The following FBXW7 variants were observed in gnomAD, a reference collection of about 807,000 sequenced individuals.
FBXW7 encodes F-box and WD repeat domain containing 7.
Under a neutral mutation model 86.3 loss-of-function variants are expected in FBXW7, and 11 were observed. The ratio of observed to expected loss-of-function variants is 0.13; its 90% CI spans 0.08 to 0.21. The LOEUF (loss-of-function observed/expected upper bound fraction) is 0.21. FBXW7 is among the 10% of genes least tolerant of loss of function. The probability of loss-of-function intolerance (pLI) is 1.00; values close to 1 mark genes in which losing one functional copy is unlikely to be tolerated. For missense variants in FBXW7, 488 were observed against 847.4 expected (o/e 0.58, Z 5.27); for synonymous variants, 313 against 297.9 (o/e 1.05, Z -0.52).
At chr4:152,470,839 T>C (rs80020717) in intron 2 of FBXW7, among the ~76,000 whole-genome samples, 2,448 of 152,226 alleles carry the variant, frequency 0.016, 75 homozygotes, top group African/African-American at 0.056. Context: ...TGCTTAAACA[T>C]TGTAGCTGCA....
chr4:152,481,348 A>T (rs1744858011), intron 2 of FBXW7, among the ~76,000 whole-genome samples: 1 of 152,184 alleles, frequency 6.6e-6, no homozygotes, highest in African/African-American at 2.4e-5. Flanking sequence ...AATACTACTC[A>T]TTGCTCACTG....
chr4:152,430,199 T>A (rs566365217), intron 2 of FBXW7, among the ~76,000 whole-genome samples: 139 of 152,302 alleles, frequency 9.1e-4, no homozygotes, highest in African/African-American at 3.1e-3. Context: ...AGTGGTAAAA[T>A]CCTGAAGCAG....
At chr4:152,370,023 C>T (rs1235456626) in intron 4 of FBXW7, among the ~76,000 whole-genome samples, 1 of 151,922 alleles carries the variant, frequency 6.6e-6, no homozygotes, top group African/African-American at 2.4e-5. Context: ...AACAGTAACA[C>T]AGATTTTTAA....
chr4:152,358,173 T>A (rs145252022), intron 4 of FBXW7, among the ~76,000 whole-genome samples: 1 of 152,232 alleles, frequency 6.6e-6, no homozygotes, highest in East Asian at 1.9e-4. Context: ...GTAAGACAGA[T>A]ATCATGGAAA....
chr4:152,406,707 GA>G (rs1263902866), intron 4 of FBXW7, among the ~76,000 whole-genome samples: 2 of 152,076 alleles, frequency 1.3e-5, no homozygotes, highest in Admixed American at 6.6e-5. Context: ...ATCAACTAGG[GA>G]GATCTGTGGG....
Position 152,321,115 on chromosome 4 carries a change from G to T in FBXW7, c.*1766C>A. On this transcript the variant is annotated 3_prime_UTR_variant, in exon 14 of 14. Transcript: ENST00000281708. ...GCAGCACATTATCCTTACTTTCGCG[G>T]TATAAAACAGGCTTGAAGTATTGAT... 5.2e-6 allele frequency: 1 copy of T among 193,316 alleles called. No individual in the cohort carries two copies. Among genetic ancestry groups the T allele is most frequent in the Non-Finnish European group, 1.1e-5 (1 of 92,590 alleles). The allele number at this position is 193,316 out of a possible 1,614,324, so 12.0% of individuals were successfully genotyped here.
intron 2 of FBXW7, chr4:152,530,865 T>C (rs539545814): frequency 9.6e-4 from 146 of 152,346 alleles, no homozygotes; most frequent in African/African-American, 3.3e-3. Context: ...AAGAACAGAA[T>C]TGAAAGTTGT....
chr4:152,413,525 C>T (rs1738160583), intron 2 of FBXW7, among the ~76,000 whole-genome samples: 1 of 152,066 alleles, frequency 6.6e-6, no homozygotes, highest in Non-Finnish European at 1.5e-5. Context: ...TTACTAGTTT[C>T]AAGTAAAGCA....
chr4:152,331,001 A>T (rs1402698423), intron 8 of FBXW7, 133 bp from the exon 9 acceptor site: 1 of 793,896 alleles, frequency 1.3e-6, no homozygotes. Flanking sequence ...ACATTGTCAA[A>T]TTTCCAATAC....
intron 2 of FBXW7, among the ~76,000 whole-genome samples, chr4:152,505,395 C>G (rs1747324013): frequency 6.6e-6 from 1 of 152,110 alleles, no homozygotes; most frequent in Admixed American, 6.5e-5. Flanking sequence ...AACGTTTTTA[C>G]TTTATGAACG....
At chr4:152,334,705 T>G (rs548872132) in intron 7 of FBXW7, among the ~76,000 whole-genome samples, 14 of 152,296 alleles carry the variant, frequency 9.2e-5, no homozygotes, top group Admixed American at 8.5e-4. Flanking sequence ...TGAGATCATC[T>G]AGTCCAGTGC....
At chr4:152,424,418 TAGAGACACTAAACCAA>T (rs1739197166) in intron 2 of FBXW7, among the ~76,000 whole-genome samples, 1 of 152,226 alleles carries the variant, frequency 6.6e-6, no homozygotes. Flanking sequence ...GAAATATAGC[TAGAGACACTAAACCAA>T]ACATCCAAAA....
intron 4 of FBXW7, among the ~76,000 whole-genome samples, chr4:152,409,603 A>G (rs542821771): frequency 1.3e-5 from 2 of 152,298 alleles, no homozygotes; most frequent in East Asian, 1.9e-4. Context: ...GTAGAAGGGT[A>G]TCACTGTCCT....
At chr4:152,411,120 AT>A in intron 4 of FBXW7, 182 bp downstream of exon 4, 1 of 1,015,204 alleles carries the variant, frequency 9.9e-7, no homozygotes, top group Non-Finnish European at 1.3e-6. Flanking sequence ...AGATTGTCCC[AT>A]TATCAGTATT....
rs1579128670 is a variant in FBXW7 at position 152,411,978 on chromosome 4, G to C, written c.-69-106C>G. On this transcript the variant is annotated intron_variant, in intron 3 of 13. Transcript: ENST00000281708. Reference sequence around the variant, plus strand: ...AAATATCATTAATGATTGCAAAAAAGTATTGATGCCACCAAGGCATTAAAA... The same window carrying C: ...AAATATCATTAATGATTGCAAAAAACTATTGATGCCACCAAGGCATTAAAA... 3 of 1,039,360 alleles carry C rather than the reference G, an allele frequency of 2.9e-6. No individual in the cohort carries two copies. In the East Asian group the frequency reaches 8.0e-5, roughly 28 times the overall value. The allele number at this position is 1,039,360 out of a possible 1,614,324, so 64.4% of individuals were successfully genotyped here. A position where few individuals can be genotyped will look rare whatever the true frequency, so the allele number is the denominator to read the frequency against.
In FBXW7 at chr4:152,345,249, T is replaced by A. The variant is rs536908013; in HGVS notation, c.726+1681A>T. On this transcript the variant is annotated intron_variant, in intron 6 of 13. Coordinates refer to ENST00000281708, the MANE Select transcript of FBXW7 (RefSeq NM_001349798.2). ...TTCTGAGGGTGTGCATAGGAAAAAA[T>A]AAAAATTAATTAACATTTTACAAAC... Among the ~76,000 whole-genome samples, 7 of 151,826 alleles carry A rather than the reference T, an allele frequency of 4.6e-5. No homozygotes were observed. The East Asian group carries it at 1.4e-3, about 29-fold the overall frequency.
In FBXW7 at chr4:152,472,321, T is replaced by C. The variant is rs541872751; in HGVS notation, c.-119-59792A>G. On this transcript the variant is annotated intron_variant, in intron 2 of 13. Transcript: ENST00000281708. ...TACACTCAATGGAAATGTGTACATATATGCACAAAAAAATATGTACGAGAA... is the reference window on the plus strand; with the variant it reads ...TACACTCAATGGAAATGTGTACATACATGCACAAAAAAATATGTACGAGAA... Among the ~76,000 whole-genome samples the C allele has an allele frequency of 7.2e-5, 11 of 152,266 alleles. No individual in the cohort carries two copies. In the South Asian group the frequency reaches 2.1e-3, roughly 29 times the overall value.
intron 4 of FBXW7, among the ~76,000 whole-genome samples, chr4:152,353,130 A>G (rs898948710): frequency 6.6e-6 from 1 of 152,142 alleles, no homozygotes; most frequent in Admixed American, 6.6e-5. Context: ...CTTTTCAGAA[A>G]CATTTTGAAA....
At chr4:152,484,568 G>A (rs1003162643) in intron 2 of FBXW7, among the ~76,000 whole-genome samples, 3 of 152,162 alleles carry the variant, frequency 2.0e-5, no homozygotes, top group African/African-American at 4.8e-5. Context: ...CAACTTACAT[G>A]TGGCACATTA....
Sources: gnomAD v4.1 joint callset for allele counts (sites outside exome capture counted in the v4.1 genomes callset) on GRCh38, gnomAD v4.1.1 for gene constraint, MANE v1.5 for transcripts, NCBI Gene and HGNC (gene_info 2026-07-23, HGNC 2026-07-21) for gene names.